The following HDAC4 variants were observed in gnomAD, a reference collection of about 807,000 sequenced individuals.
The protein encoded by HDAC4 is histone deacetylase A.
Under a neutral mutation model 135.1 loss-of-function variants are expected in HDAC4, and 16 were observed. The ratio of observed to expected loss-of-function variants is 0.12; its 90% CI spans 0.08 to 0.18. The LOEUF (loss-of-function observed/expected upper bound fraction) is 0.18, where lower values mean the gene tolerates loss of function less well. HDAC4 is among the 10% of genes least tolerant of loss of function. The pLI is 1.00. For synonymous variants in HDAC4, 685 were observed against 653.4 expected, an observed-to-expected ratio of 1.05 and a Z score of -0.74; for missense variants, 1,143 against 1,511.8, an observed-to-expected ratio of 0.76 and a Z score of 4.05.
At chr2:239,337,001 G>A (rs2125846403) in intron 2 of HDAC4, among the ~76,000 whole-genome samples, 1 of 152,326 alleles carries the variant, frequency 6.6e-6, no homozygotes, top group African/African-American at 2.4e-5. Flanking sequence ...CCTGGCAAGA[G>A]TAGACTGTAG....
At chr2:239,084,270 G>C (rs1467809854) in intron 19 of HDAC4, 28 bp from the exon 20 acceptor site, 34 of 1,554,060 alleles carry the variant, frequency 2.2e-5, no homozygotes, top group Non-Finnish European at 2.8e-5. Flanking sequence ...CGCTGGAGAC[G>C]AAGCGCAGGT....
At chr2:239,394,480 T>TGC (rs1391742121) in intron 1 of HDAC4, among the ~76,000 whole-genome samples, 2 of 152,262 alleles carry the variant, frequency 1.3e-5, no homozygotes, top group Non-Finnish European at 2.9e-5. Flanking sequence ...GAGAACAAGC[T>TGC]GCACACACCT....
chr2:239,278,187 G>GAAA (rs57441784), intron 2 of HDAC4, among the ~76,000 whole-genome samples: 1 of 140,928 alleles, frequency 7.1e-6, no homozygotes. Context: ...GAGAAAAAAA[G>GAAA]AAAAAAAAAA....
At chr2:239,113,894 T>C (rs1222380451) in intron 13 of HDAC4, among the ~76,000 whole-genome samples, 1 of 151,720 alleles carries the variant, frequency 6.6e-6, no homozygotes, top group East Asian at 1.9e-4. Flanking sequence ...CCCGGGGTGC[T>C]AATTAAGAAG....
intron 1 of HDAC4, among the ~76,000 whole-genome samples, chr2:239,387,859 C>T (rs888934641): frequency 5.3e-5 from 8 of 152,162 alleles, no homozygotes; most frequent in Non-Finnish European, 1.0e-4. Context: ...GGTTCCACCA[C>T]GCATTGCAAT....
intron 2 of HDAC4, among the ~76,000 whole-genome samples, chr2:239,290,745 C>G (rs1298570923): frequency 1.3e-5 from 2 of 152,098 alleles, no homozygotes; most frequent in Non-Finnish European, 2.9e-5. Context: ...CACACGCGCA[C>G]GCACTCACAC....
intron 2 of HDAC4, among the ~76,000 whole-genome samples, chr2:239,292,430 G>C (rs2051578462): frequency 6.6e-6 from 1 of 152,202 alleles, no homozygotes; most frequent in Non-Finnish European, 1.5e-5. Context: ...AGTGGAGGCT[G>C]AGCCCCGCTG....
Position 239,400,896 on chromosome 2 carries a change from C to A in HDAC4, c.-220+82G>T. ...GCGGGCGGGTGCGCGGGCTCGGGCT[C>A]GGGCTCGGGCGGCGGCGGGGACGGT... On this transcript the variant is annotated intron_variant, in intron 1 of 26. Coordinates refer to ENST00000543185, the MANE Select transcript of HDAC4 (RefSeq NM_001378414.1). The surrounding 1 kb of genome is among the most constrained non-coding windows in gnomAD (Gnocchi z 4.7). 6.8e-6 allele frequency: 1 copy of A among 147,514 alleles called. No individual in the cohort carries two copies. Among genetic ancestry groups the A allele is most frequent in the Non-Finnish European group, 1.5e-5 (1 of 66,038 alleles). The allele number at this position is 147,514 out of a possible 1,614,324, so 9.1% of individuals were successfully genotyped here.
intron 2 of HDAC4, among the ~76,000 whole-genome samples, chr2:239,243,011 C>T (rs74000541): frequency 0.036 from 5,525 of 152,166 alleles, 347 homozygotes; most frequent in African/African-American, 0.13. Context: ...AGGAAGGCAG[C>T]AAGAGCTCCA....
At chr2:239,387,431 C>T (rs1253753715) in intron 1 of HDAC4, among the ~76,000 whole-genome samples, 1 of 152,214 alleles carries the variant, frequency 6.6e-6, no homozygotes, top group Non-Finnish European at 1.5e-5. Flanking sequence ...CCACCCCTTA[C>T]TTTACAAAAC....
At chr2:239,194,260 T>C (rs2045213122) in intron 3 of HDAC4, among the ~76,000 whole-genome samples, 1 of 152,244 alleles carries the variant, frequency 6.6e-6, no homozygotes. Flanking sequence ...GAGCTATTAA[T>C]GCTTTAATTC....
At chr2:239,217,697 CA>C (rs1308392671) in intron 3 of HDAC4, among the ~76,000 whole-genome samples, 2 of 152,126 alleles carry the variant, frequency 1.3e-5, no homozygotes, top group Non-Finnish European at 2.9e-5. Context: ...CCTTCCAAAT[CA>C]CCAGAAGGAA....
chr2:239,382,776 G>A (rs948789097), intron 1 of HDAC4, among the ~76,000 whole-genome samples: 1 of 151,930 alleles, frequency 6.6e-6, no homozygotes, highest in African/African-American at 2.4e-5. Flanking sequence ...CCAGGCTGGA[G>A]TGCAATGTTG....
At chr2:239,277,533 C>A (rs558648218) in intron 2 of HDAC4, among the ~76,000 whole-genome samples, 1 of 152,324 alleles carries the variant, frequency 6.6e-6, no homozygotes, top group African/African-American at 2.4e-5. Context: ...GATCATCACA[C>A]GTTCTGTACT....
intron 6 of HDAC4, 30 bp downstream of exon 6, chr2:239,163,773 G>C: frequency 6.2e-7 from 1 of 1,612,702 alleles, no homozygotes; most frequent in Non-Finnish European, 8.5e-7. Flanking sequence ...CCAGAGAGGA[G>C]GCCGGGGTGC....
intron 2 of HDAC4, among the ~76,000 whole-genome samples, chr2:239,281,406 C>T (rs1355547444): frequency 1.5e-5 from 2 of 137,900 alleles, no homozygotes; most frequent in Non-Finnish European, 3.1e-5. Context: ...TACAATTTAC[C>T]CACCACTCTA....
intron 2 of HDAC4, among the ~76,000 whole-genome samples, chr2:239,339,357 G>A (rs1006055812): frequency 5.9e-5 from 9 of 152,196 alleles, no homozygotes; most frequent in South Asian, 2.1e-4. Context: ...AACAGGGCCC[G>A]ATGAAAGGAA....
chr2:239,269,175 C>CCACA (rs1405317075), intron 2 of HDAC4, among the ~76,000 whole-genome samples: 1 of 150,948 alleles, frequency 6.6e-6, no homozygotes, highest in South Asian at 2.2e-4. Context: ...ATTCACACAC[C>CCACA]CACATTCACA....
intron 2 of HDAC4, among the ~76,000 whole-genome samples, chr2:239,318,143 C>G (rs556949598): frequency 6.6e-6 from 1 of 152,260 alleles, no homozygotes; most frequent in East Asian, 1.9e-4. Context: ...GCTGTCTGCA[C>G]AGTCCCAGAT....
Sources: allele counts gnomAD v4.1 joint callset (sites outside exome capture counted in the v4.1 genomes callset), GRCh38; gene constraint gnomAD v4.1.1; non-coding constraint Gnocchi (gnomAD v3.1); transcripts MANE v1.5; gene names NCBI Gene and HGNC (gene_info 2026-07-23, HGNC 2026-07-21).